GSG1L: variants seen among roughly 807,000 people sequenced by gnomAD.
GSG1L encodes germ cell-specific gene 1-like protein.
In GSG1L, 24 loss-of-function variants were observed where a neutral mutation model predicts 42.1. That is an observed-to-expected ratio of 0.57 (90% CI 0.41 to 0.80). The LOEUF (loss-of-function observed/expected upper bound fraction) is 0.80, where lower values mean the gene tolerates loss of function less well. Among genes scored for constraint, GSG1L ranks in the 30% least tolerant of loss-of-function variants. The probability of loss-of-function intolerance (pLI) is 0.00; values close to 1 mark genes in which losing one functional copy is unlikely to be tolerated. For missense variants in GSG1L, 445 were observed against 472.2 expected (o/e 0.94, Z 0.53); for synonymous variants, 215 against 203.5 (o/e 1.06, Z -0.48).
chr16:28,028,235 A>G (rs1453582281), intron 1 of GSG1L, among the ~76,000 whole-genome samples: 1 of 151,258 alleles, frequency 6.6e-6, no homozygotes, highest in Non-Finnish European at 1.5e-5. Context: ...TTGATGGGCC[A>G]TGAAGGCCAA....
intron 2 of GSG1L, among the ~76,000 whole-genome samples, chr16:27,955,004 G>C (rs916311964): frequency 1.3e-5 from 2 of 152,084 alleles, no homozygotes; most frequent in African/African-American, 4.8e-5. Flanking sequence ...AGATGATTGG[G>C]AAGTCCATTG....
chr16:27,970,296 G>A (rs1228510712), intron 1 of GSG1L, among the ~76,000 whole-genome samples: 1 of 151,570 alleles, frequency 6.6e-6, no homozygotes, highest in Non-Finnish European at 1.5e-5. Context: ...TAGAGGCTGG[G>A]TATGGTGGCT....
At chr16:27,968,547 G>A (rs746685108) in intron 1 of GSG1L, among the ~76,000 whole-genome samples, 2 of 152,038 alleles carry the variant, frequency 1.3e-5, no homozygotes, top group African/African-American at 4.8e-5. Flanking sequence ...TACCACGCCC[G>A]GCCCTAAAAC....
chr16:27,820,229 G>A (rs911027083), intron 5 of GSG1L, among the ~76,000 whole-genome samples: 1 of 152,208 alleles, frequency 6.6e-6, no homozygotes, highest in African/African-American at 2.4e-5. Flanking sequence ...GTGGGGCGGA[G>A]CGGGTTCTTC....
chr16:27,964,180 A>C (rs1371475364), intron 1 of GSG1L, among the ~76,000 whole-genome samples: 2 of 151,988 alleles, frequency 1.3e-5, no homozygotes, highest in Non-Finnish European at 2.9e-5. Flanking sequence ...AAATACAAAA[A>C]CTAGCTGGGC....
chr16:27,888,733 T>G (rs1301526902), intron 2 of GSG1L, among the ~76,000 whole-genome samples: 2 of 151,762 alleles, frequency 1.3e-5, no homozygotes, highest in African/African-American at 4.8e-5. Context: ...TTCTCCTGCG[T>G]CAGCCTCCCG....
chr16:27,834,400 C>T (rs74888095), intron 4 of GSG1L, among the ~76,000 whole-genome samples: 2,770 of 151,490 alleles, frequency 0.018, 89 homozygotes, highest in African/African-American at 0.064. Flanking sequence ...GTCTGCGGTT[C>T]TTTGCACTAT....
chr16:27,798,584 C>A (rs1408403173), intron 6 of GSG1L, among the ~76,000 whole-genome samples: 3 of 152,194 alleles, frequency 2.0e-5, no homozygotes, highest in Non-Finnish European at 4.4e-5. Context: ...AGCATCGCAG[C>A]TGCAGAAGTT....
At chr16:27,947,510 G>A (rs1404123694) in intron 2 of GSG1L, among the ~76,000 whole-genome samples, 10 of 108,534 alleles carry the variant, frequency 9.2e-5, no homozygotes, top group African/African-American at 3.0e-4. Context: ...AAAGAAAGAA[G>A]GAAAGAAAGA....
chr16:28,048,297 A>G (rs1196309194), intron 1 of GSG1L, among the ~76,000 whole-genome samples: 1 of 152,196 alleles, frequency 6.6e-6, no homozygotes, highest in Non-Finnish European at 1.5e-5. Flanking sequence ...AACTGCACAC[A>G]GGGAATGTAC....
At chr16:27,961,114 G>A (rs1375014307) in intron 2 of GSG1L, among the ~76,000 whole-genome samples, 1 of 152,150 alleles carries the variant, frequency 6.6e-6, no homozygotes, top group Admixed American at 6.5e-5. Context: ...ACACACCTGT[G>A]CTTATGCACA....
chr16:27,833,790 T>C (rs2140971364), intron 4 of GSG1L, among the ~76,000 whole-genome samples: 1 of 152,328 alleles, frequency 6.6e-6, no homozygotes, highest in East Asian at 1.9e-4. Context: ...TTTTATCTTC[T>C]ATCCTAAGAC....
At chr16:27,879,753 T>C (rs543918968) in intron 3 of GSG1L, among the ~76,000 whole-genome samples, 1 of 152,074 alleles carries the variant, frequency 6.6e-6, no homozygotes, top group Non-Finnish European at 1.5e-5. Flanking sequence ...ATGTAAATAG[T>C]TGTTGTATTG....
Position 27,995,891 on chromosome 16 carries a change from C to G in GSG1L, c.350-32688G>C, listed in dbSNP as rs544605269. Among the ~76,000 whole-genome samples, 120 of 150,190 alleles carry G rather than the reference C, an allele frequency of 8.0e-4. 1 individual carries two copies. Among genetic ancestry groups the G allele is most frequent in the African/African-American group, 2.6e-3 (107 of 40,516 alleles). The stretch of plus-strand genomic sequence containing the variant: ...GTTCCTGTACTGATTAAAACACACA[C>G]ACACACACACACACACACACACACA... On this transcript the variant is annotated intron_variant, in intron 1 of 6. Transcript: ENST00000447459.
In GSG1L at chr16:27,842,673, G is replaced by A. The variant is rs75476854; in HGVS notation, c.662+2277C>T. ...TGGGATTGTTCTACTTAAAGGGATC[G>A]GGGCCAGGGTTAATGGGTCAAGGTC... On this transcript the variant is annotated intron_variant, in intron 4 of 6. Transcript: ENST00000447459. 2.2e-3 allele frequency among the ~76,000 whole-genome samples: 332 copies of A among 152,242 alleles called. 2 individuals carry two copies. The highest frequency in any genetic ancestry group is 7.6e-3 in the African/African-American group (315 of 41,546).
chr16:27,796,397 C>A (rs2082818208), intron 6 of GSG1L, among the ~76,000 whole-genome samples: 1 of 152,208 alleles, frequency 6.6e-6, no homozygotes, highest in African/African-American at 2.4e-5. Flanking sequence ...GTCCACAAAT[C>A]TCTACCATGA....
chr16:27,845,101 G>A (rs746501791), intron 3 of GSG1L, 40 bp from the exon 4 acceptor site: 7 of 1,390,894 alleles, frequency 5.0e-6, no homozygotes, highest in Non-Finnish European at 7.1e-6. Context: ...AGGAAGTAAG[G>A]AAGGGCTTTG....
At chr16:27,998,981 A>T (rs1002792687) in intron 1 of GSG1L, among the ~76,000 whole-genome samples, 3 of 152,112 alleles carry the variant, frequency 2.0e-5, no homozygotes, top group South Asian at 2.1e-4. Flanking sequence ...CCAGCACTTT[A>T]AAAAAGTCCC....
At chr16:27,823,801 G>A (rs1014002501) in intron 5 of GSG1L, 1 of 699,576 alleles carries the variant, frequency 1.4e-6, no homozygotes, top group Admixed American at 2.0e-5. Context: ...AAGCCTGAGA[G>A]GCCACACAGC....
Sources: allele counts gnomAD v4.1 joint callset (sites outside exome capture counted in the v4.1 genomes callset), GRCh38; gene constraint gnomAD v4.1.1; transcripts MANE v1.5; gene names NCBI Gene and HGNC (gene_info 2026-07-23, HGNC 2026-07-21).